Variants in POU6F2 observed in about 807,000 individuals in gnomAD.
POU6F2 encodes POU class 6 homeobox 2.
POU6F2 carries 31 observed loss-of-function variants against 71.3 expected under a neutral mutation model. The observed-to-expected ratio is 0.43, with a 90% CI of 0.33 to 0.59. The LOEUF (loss-of-function observed/expected upper bound fraction) is 0.59. Ranked by LOEUF, POU6F2 falls within the 20% of genes least tolerant of loss-of-function variation. POU6F2 has a pLI of 0.04. For synonymous variants in POU6F2, 347 were observed against 355.7 expected, an observed-to-expected ratio of 0.98 and a Z score of 0.27; for missense variants, 783 against 856.8, an observed-to-expected ratio of 0.91 and a Z score of 1.07.
chr7:39,460,493 A>T lies in POU6F2; in HGVS notation c.1490-54A>T. On this transcript the variant is annotated intron_variant, in intron 8 of 9. Transcript: ENST00000518318. The surrounding 1 kb of genome is among the most constrained non-coding windows in gnomAD (Gnocchi z 4.4). ...TTCTTATAAACCGTAATAAACAGAT[A>T]TTGCTCGGCTGTGTGTTGACGTATT... 4 of 1,577,196 alleles carry T rather than the reference A, an allele frequency of 2.5e-6. No homozygotes were observed.
intron 1 of POU6F2, among the ~76,000 whole-genome samples, chr7:39,079,112 CT>C (rs1386256536): frequency 1.4e-5 from 2 of 146,750 alleles, no homozygotes; most frequent in Non-Finnish European, 3.0e-5. Context: ...TTGTGTAATA[CT>C]TTTATATCTT....
chr7:39,227,301 T>C (rs1331851168), intron 4 of POU6F2, among the ~76,000 whole-genome samples: 2 of 152,196 alleles, frequency 1.3e-5, no homozygotes, highest in Non-Finnish European at 2.9e-5. Context: ...TTTTGTTCTT[T>C]TGTGAAGTTT....
intron 2 of POU6F2, among the ~76,000 whole-genome samples, chr7:39,140,356 G>A (rs941120513): frequency 1.7e-4 from 26 of 152,180 alleles, no homozygotes; most frequent in African/African-American, 5.8e-4. Flanking sequence ...TAGGGCATAG[G>A]GGAGTGCATT....
intron 2 of POU6F2, among the ~76,000 whole-genome samples, chr7:39,115,599 C>A (rs1341990341): frequency 1.3e-5 from 2 of 152,106 alleles, no homozygotes; most frequent in Admixed American, 6.6e-5. Context: ...GAAGTGAGAA[C>A]AGAAACTGTA....
intron 1 of POU6F2, among the ~76,000 whole-genome samples, chr7:39,059,110 A>C (rs1358859191): frequency 2.0e-5 from 3 of 152,218 alleles, no homozygotes; most frequent in Non-Finnish European, 4.4e-5. Flanking sequence ...CTGACAAAAC[A>C]GCATGGAAAT....
intron 1 of POU6F2, among the ~76,000 whole-genome samples, chr7:39,048,182 T>C (rs753533794): frequency 8.6e-5 from 13 of 151,916 alleles, no homozygotes; most frequent in Non-Finnish European, 1.9e-4. Context: ...TTATTGGTTG[T>C]AGGTCTATAC....
At chr7:39,371,504 G>T (rs1032510684) in intron 5 of POU6F2, among the ~76,000 whole-genome samples, 1 of 152,040 alleles carries the variant, frequency 6.6e-6, no homozygotes, top group East Asian at 1.9e-4. Flanking sequence ...AGTTCAGTCT[G>T]GGGGCTCGGA....
chr7:39,205,108 G>A (rs1680266846), intron 3 of POU6F2, among the ~76,000 whole-genome samples: 1 of 151,374 alleles, frequency 6.6e-6, no homozygotes, highest in South Asian at 2.1e-4. Flanking sequence ...TATTCCACTC[G>A]CCACCAAGAC....
intron 5 of POU6F2, chr7:39,404,967 G>C (rs1211115750): frequency 6.6e-6 from 1 of 152,140 alleles, no homozygotes; most frequent in Non-Finnish European, 1.5e-5. Flanking sequence ...GGATAAGACA[G>C]GGTTTCTCTT....
chr7:39,061,470 T>C (rs1790655573), intron 1 of POU6F2, among the ~76,000 whole-genome samples: 1 of 152,220 alleles, frequency 6.6e-6, no homozygotes, highest in Non-Finnish European at 1.5e-5. Flanking sequence ...ATAACATCCA[T>C]TGACCTATTT....
chr7:39,245,499 CTTA>C (rs1783804865), intron 4 of POU6F2, among the ~76,000 whole-genome samples: 1 of 152,144 alleles, frequency 6.6e-6, no homozygotes, highest in Non-Finnish European at 1.5e-5. Flanking sequence ...GAAAGAAAAT[CTTA>C]TTTTATGACT....
At chr7:39,265,987 T>C (rs1455875032) in intron 4 of POU6F2, among the ~76,000 whole-genome samples, 1 of 152,222 alleles carries the variant, frequency 6.6e-6, no homozygotes, top group East Asian at 1.9e-4. Context: ...CATTTTCTAA[T>C]TGCTAAGATA....
At chr7:39,397,618 G>C (rs988997586) in intron 5 of POU6F2, among the ~76,000 whole-genome samples, 5 of 136,056 alleles carry the variant, frequency 3.7e-5, no homozygotes, top group African/African-American at 1.4e-4. Context: ...TCAGGCTCCC[G>C]AGTAGCTAGG....
intron 4 of POU6F2, among the ~76,000 whole-genome samples, chr7:39,259,490 G>A (rs186169463): frequency 1.7e-3 from 262 of 152,222 alleles, no homozygotes; most frequent in African/African-American, 5.7e-3. Flanking sequence ...AAGTCAAAAG[G>A]CAAGCGAGAA....
intron 2 of POU6F2, among the ~76,000 whole-genome samples, chr7:39,177,907 T>C (rs1364368584): frequency 1.3e-5 from 2 of 152,258 alleles, no homozygotes; most frequent in Non-Finnish European, 2.9e-5. Context: ...CATAAGTTTA[T>C]AACTGTAACT....
chr7:39,300,177 A>C (rs1295985123), intron 4 of POU6F2, among the ~76,000 whole-genome samples: 1 of 152,212 alleles, frequency 6.6e-6, no homozygotes, highest in African/African-American at 2.4e-5. Context: ...GTTACAAGAG[A>C]AAAAGGTAAA....
chr7:39,450,478 A>G (rs1444280712), intron 7 of POU6F2, among the ~76,000 whole-genome samples: 2 of 152,122 alleles, frequency 1.3e-5, no homozygotes, highest in African/African-American at 2.4e-5. Context: ...AGAAAAAAAA[A>G]TGATGGAGAG....
intron 2 of POU6F2, among the ~76,000 whole-genome samples, chr7:39,097,253 A>G (rs1314617289): frequency 6.6e-6 from 1 of 152,128 alleles, no homozygotes; most frequent in African/African-American, 2.4e-5. Flanking sequence ...TTGCTCTCTG[A>G]CAGTCACAAA....
chr7:39,278,527 G>A (rs1380088258), intron 4 of POU6F2, among the ~76,000 whole-genome samples: 1 of 152,186 alleles, frequency 6.6e-6, no homozygotes, highest in Admixed American at 6.5e-5. Flanking sequence ...AGAGAACAAA[G>A]GGTATTGAGT....
Sources: allele counts gnomAD v4.1 joint callset (sites outside exome capture counted in the v4.1 genomes callset), GRCh38; gene constraint gnomAD v4.1.1; non-coding constraint Gnocchi (gnomAD v3.1); transcripts MANE v1.5; gene names NCBI Gene and HGNC (gene_info 2026-07-23, HGNC 2026-07-21).